The following ZBTB16 variants were observed in gnomAD, a reference collection of about 807,000 sequenced individuals.
ZBTB16 encodes zinc finger and BTB domain-containing protein 16.
A neutral mutation model predicts 56.8 loss-of-function variants in ZBTB16; 8 were observed. The observed-to-expected ratio is 0.14, with a 90% CI of 0.08 to 0.25. ZBTB16 has a LOEUF of 0.25. ZBTB16 is among the 10% of genes least tolerant of loss of function. The pLI is 1.00. For synonymous variants in ZBTB16, 363 were observed against 368.5 expected (o/e 0.98, Z 0.17); for missense variants, 625 against 903.0 (o/e 0.69, Z 3.95).
intron 1 of ZBTB16, among the ~76,000 whole-genome samples, chr11:114,062,842 A>G (rs559973743): frequency 2.7e-4 from 41 of 152,352 alleles, no homozygotes; most frequent in African/African-American, 9.6e-4. Flanking sequence ...AAGTAAGTGC[A>G]CTTCATCATA....
At chr11:114,062,001 C>T (rs1366768611) in intron 1 of ZBTB16, among the ~76,000 whole-genome samples, 1 of 152,086 alleles carries the variant, frequency 6.6e-6, no homozygotes, top group Non-Finnish European at 1.5e-5. Flanking sequence ...CCTTAATGAC[C>T]CATCCTTCTT....
chr11:114,083,723 C>T lies in ZBTB16; in HGVS notation c.1268+19155C>T, dbSNP rs187056656. On this transcript the variant is annotated intron_variant, in intron 2 of 6. Coordinates refer to ENST00000335953, the MANE Select transcript of ZBTB16 (RefSeq NM_006006.6). ...GCTTCCCCTTGGATCCCTCCACCCC[C>T]GCAGCCAGGAGAGGGAAGTAACTGT... 2.0e-3 allele frequency among the ~76,000 whole-genome samples: 302 copies of T among 152,314 alleles called. 1 individual carries two copies. The highest frequency in any genetic ancestry group is 3.2e-3 in the Non-Finnish European group (221 of 68,026).
intron 4 of ZBTB16, among the ~76,000 whole-genome samples, chr11:114,196,985 C>T (rs1035317446): frequency 6.6e-6 from 1 of 152,078 alleles, no homozygotes; most frequent in African/African-American, 2.4e-5. Flanking sequence ...GCATTGTCTT[C>T]CCTCCCTGTG....
chr11:114,098,263 T>G (rs1305986877), intron 2 of ZBTB16, among the ~76,000 whole-genome samples: 1 of 152,168 alleles, frequency 6.6e-6, no homozygotes, highest in Non-Finnish European at 1.5e-5. Context: ...GGTGGTATCA[T>G]AGCCAGCAGC....
intron 2 of ZBTB16, among the ~76,000 whole-genome samples, chr11:114,121,261 T>C (rs1941334807): frequency 6.6e-6 from 1 of 152,080 alleles, no homozygotes; most frequent in South Asian, 2.1e-4. Context: ...GCTGCTGGTG[T>C]GGTCACTGAA....
At chr11:114,221,911 G>A (rs1944238493) in intron 4 of ZBTB16, among the ~76,000 whole-genome samples, 1 of 152,196 alleles carries the variant, frequency 6.6e-6, no homozygotes, top group African/African-American at 2.4e-5. Context: ...AGCTTTTGGA[G>A]TCTGGAAGAA....
At chr11:114,101,210 G>GCCTA (rs1177976795) in intron 2 of ZBTB16, among the ~76,000 whole-genome samples, 1 of 152,102 alleles carries the variant, frequency 6.6e-6, no homozygotes, top group East Asian at 1.9e-4. Context: ...TCACTGCATT[G>GCCTA]CCTAGGCTGA....
chr11:114,082,057 G>A (rs537747825), intron 2 of ZBTB16, among the ~76,000 whole-genome samples: 85 of 148,784 alleles, frequency 5.7e-4, no homozygotes, highest in African/African-American at 1.8e-3. Context: ...CAAGGCAGGA[G>A]GATTGCGTGA....
At chr11:114,081,375 T>G (rs1022460430) in intron 2 of ZBTB16, among the ~76,000 whole-genome samples, 5 of 151,856 alleles carry the variant, frequency 3.3e-5, no homozygotes, top group African/African-American at 1.2e-4. Context: ...GACTTTTCCT[T>G]GAAGAGCTTA....
chr11:114,139,253 A>C (rs1941880838), intron 2 of ZBTB16, among the ~76,000 whole-genome samples: 1 of 152,138 alleles, frequency 6.6e-6, no homozygotes, highest in Non-Finnish European at 1.5e-5. Flanking sequence ...CGGTTTTCCC[A>C]TTGCCAATTG....
intron 4 of ZBTB16, among the ~76,000 whole-genome samples, chr11:114,234,598 G>C (rs1028176212): frequency 4.6e-5 from 7 of 152,244 alleles, no homozygotes; most frequent in African/African-American, 7.2e-5. Flanking sequence ...GAACTAAAGA[G>C]AGGGCTCTTG....
At chr11:114,116,909 A>G (rs930021587) in intron 2 of ZBTB16, among the ~76,000 whole-genome samples, 2 of 152,200 alleles carry the variant, frequency 1.3e-5, no homozygotes, top group African/African-American at 4.8e-5. Flanking sequence ...CTGGTAGGGG[A>G]GGCAGACACT....
chr11:114,065,787 T>C (rs571811956), intron 2 of ZBTB16, among the ~76,000 whole-genome samples: 133 of 152,302 alleles, frequency 8.7e-4, no homozygotes, highest in African/African-American at 3.1e-3. Flanking sequence ...GTCACATAGA[T>C]AGTAAGAGGC....
chr11:114,227,552 G>T (rs897321860), intron 4 of ZBTB16, among the ~76,000 whole-genome samples: 1 of 152,210 alleles, frequency 6.6e-6, no homozygotes, highest in African/African-American at 2.4e-5. Flanking sequence ...TAAGAGAAGT[G>T]AGGTCGCAGC....
chr11:114,157,032 T>C (rs950049033), intron 3 of ZBTB16, among the ~76,000 whole-genome samples: 5 of 152,162 alleles, frequency 3.3e-5, no homozygotes, highest in Non-Finnish European at 5.9e-5. Context: ...GCGGTGGCTT[T>C]GAGGCTTAGG....
At position 114,150,323 on chromosome 11, in the gene ZBTB16, A is replaced by G. The variant is rs144237452; in HGVS notation, c.1269-6014A>G. 6.2e-3 allele frequency among the ~76,000 whole-genome samples: 943 copies of G among 152,250 alleles called. 10 individuals are homozygous for G. The highest frequency in any genetic ancestry group is 0.021 in the African/African-American group (869 of 41,518). Reference sequence around the variant, plus strand: ...CTGTTTAGAGTATTCCTTTTACACAAAAAGACACATAGAAAGTACAGGAGA... The same window carrying G: ...CTGTTTAGAGTATTCCTTTTACACAGAAAGACACATAGAAAGTACAGGAGA... On this transcript the variant is annotated intron_variant, in intron 2 of 6. Transcript: ENST00000335953.
intron 4 of ZBTB16, among the ~76,000 whole-genome samples, chr11:114,228,016 T>TC (rs1944364676): frequency 6.6e-6 from 1 of 152,082 alleles, no homozygotes; most frequent in Admixed American, 6.5e-5. Context: ...AAACACCAAC[T>TC]CCCCATTCCT....
At chr11:114,061,775 T>G (rs928928037) in intron 1 of ZBTB16, among the ~76,000 whole-genome samples, 2 of 152,178 alleles carry the variant, frequency 1.3e-5, no homozygotes, top group Non-Finnish European at 2.9e-5. Flanking sequence ...CCCAGCCCTG[T>G]CTTCCCTTCG....
intron 2 of ZBTB16, among the ~76,000 whole-genome samples, chr11:114,146,910 G>A (rs1942122979): frequency 6.7e-6 from 1 of 149,932 alleles, no homozygotes; most frequent in Non-Finnish European, 1.5e-5. Context: ...CATTTTTCTA[G>A]AAGAAAGGAA....
Sources: allele counts gnomAD v4.1 joint callset (sites outside exome capture counted in the v4.1 genomes callset), GRCh38; gene constraint gnomAD v4.1.1; transcripts MANE v1.5; gene names NCBI Gene and HGNC (gene_info 2026-07-23, HGNC 2026-07-21).